UGT2A3: variants seen among roughly 807,000 people sequenced by gnomAD.
The protein encoded by UGT2A3 is UDP-glucuronosyltransferase 2A3.
UGT2A3 carries 55 observed loss-of-function variants against 44.1 expected under a neutral mutation model. The ratio of observed to expected loss-of-function variants is 1.25; its 90% CI spans 1.00 to 1.56. The LOEUF is 1.56. Ranked by LOEUF, UGT2A3 falls within the 40% of genes most tolerant of loss-of-function variation. The pLI is 0.00. For missense variants in UGT2A3, 733 were observed against 621.6 expected (o/e 1.18, Z -1.91); for synonymous variants, 243 against 215.1 (o/e 1.13, Z -1.13).
Position 68,951,315 on chromosome 4 carries a change from T to C in UGT2A3, c.446A>G (p.Asp149Gly), listed in dbSNP as rs749956971. The C allele has an allele frequency of 1.9e-6, 3 of 1,612,662 alleles. No homozygotes were observed. Among genetic ancestry groups the C allele is most frequent in the Admixed American group, 3.3e-5 (2 of 59,794 alleles). The change falls in exon 1 of 6, where the codon GAC (aspartate) becomes GGC (glycine). Residue 149 changes from aspartate (D) to glycine (G), a missense_variant. Physicochemically the swap from Asp to Gly is moderately conservative, Grantham distance 94. Transcript: ENST00000251566. Reference sequence around the variant, plus strand: ...CAGGTCTCCACAGGGAATCACAGGGTCTATAAGCATTACATCGTAGTTGGT... The same window carrying C: ...CAGGTCTCCACAGGGAATCACAGGGCCTATAAGCATTACATCGTAGTTGGT... ...QETNYDVMLI[D>G]PVIPCGDLMA...
intron 1 of UGT2A3, among the ~76,000 whole-genome samples, chr4:68,949,464 A>T (rs898262542): frequency 2.0e-5 from 3 of 151,882 alleles, no homozygotes; most frequent in Non-Finnish European, 4.4e-5. Context: ...CCAAGCTAAT[A>T]AACGTGTAAC....
chr4:68,942,339 C>CTATATATA (rs1553902025), intron 2 of UGT2A3, among the ~76,000 whole-genome samples: 17 of 133,274 alleles, frequency 1.3e-4, no homozygotes, highest in African/African-American at 4.2e-4. Context: ...CTCTCTCTCT[C>CTATATATA]TATATATATA....
chr4:68,945,477 T>A, intron 1 of UGT2A3, 23 bp from the exon 2 acceptor site: 1 of 1,559,228 alleles, frequency 6.4e-7, no homozygotes, highest in Non-Finnish European at 8.7e-7. Flanking sequence ...AATAACAGAA[T>A]GAATTAGCAT....
Position 68,929,973 on chromosome 4 carries a change from C to A in UGT2A3, c.1424G>T (p.Arg475Leu), listed in dbSNP as rs369449006. The A allele has an allele frequency of 2.5e-6, 4 of 1,613,620 alleles. No individual in the cohort carries two copies. The highest frequency in any genetic ancestry group is 3.4e-6 in the Non-Finnish European group (4 of 1,179,672). Residue 475 changes from arginine to leucine, a missense_variant, in exon 6 of 6, where the codon CGA becomes CTA. Coordinates refer to ENST00000251566, the MANE Select transcript of UGT2A3 (RefSeq NM_024743.4). ...CCAGGTGAGGTCATGGGCAGCTGAT[C>A]GCAGGTGCTTGGCTCCTTTGTGGCG... ...VMRHKGAKHL[R>L]SAAHDLTWFQ...
rs1296838797 is a variant in UGT2A3 at position 68,935,366 on chromosome 4, G to A, written c.865-2607C>T. 3.4e-5 allele frequency among the ~76,000 whole-genome samples: 5 copies of A among 145,434 alleles called. No homozygotes were observed. In the Admixed American group the frequency reaches 3.6e-4, roughly 10 times the overall value. ...GAAGAATCCAGCAGCAATATTTGCTGTTCTGCAGTATTTGCTGTTCTGCAG... is the reference window on the plus strand; with the variant it reads ...GAAGAATCCAGCAGCAATATTTGCTATTCTGCAGTATTTGCTGTTCTGCAG... On this transcript the variant is annotated intron_variant, in intron 2 of 5. Transcript: ENST00000251566.
intron 1 of UGT2A3, among the ~76,000 whole-genome samples, chr4:68,948,292 T>G (rs1432327851): frequency 6.6e-6 from 1 of 151,854 alleles, no homozygotes; most frequent in Non-Finnish European, 1.5e-5. Context: ...CTCTACTAGC[T>G]TCAGTCTTTT....
At chr4:68,933,029 A>G (rs1280486254) in intron 2 of UGT2A3, among the ~76,000 whole-genome samples, 1 of 152,066 alleles carries the variant, frequency 6.6e-6, no homozygotes, top group African/African-American at 2.4e-5. Context: ...ATCTCTTTTC[A>G]TGTCTGTGTC....
chr4:68,934,279 TACA>T (rs1377783756), intron 2 of UGT2A3, among the ~76,000 whole-genome samples: 1 of 151,852 alleles, frequency 6.6e-6, no homozygotes, highest in African/African-American at 2.4e-5. Context: ...GAGGAAAGTC[TACA>T]ACAACGAACA....
At position 68,951,590 on chromosome 4, in the gene UGT2A3, A is replaced by T; in HGVS notation, c.171T>A (p.Thr57=). The T allele has an allele frequency of 6.2e-7, 1 of 1,613,000 alleles. No individual in the cohort carries two copies. The highest frequency in any genetic ancestry group is 1.1e-5 in the South Asian group (1 of 91,070). Residue 57 remains threonine, a synonymous_variant, in exon 1 of 6, where the codon ACT becomes ACA. Transcript: ENST00000251566. The stretch of plus-strand genomic sequence containing the variant: ...AGTCAATTAACGAAGGCTTTGAGTG[A>T]GTCAATACTGTTACCTCATGGCCTC... The part of the protein sequence containing the change: ...IVRGHEVTVL[T]HSKPSLIDYR...
chr4:68,939,279 T>C lies in UGT2A3; in HGVS notation c.864+6027A>G, dbSNP rs147189950. ...AAAAAGAACAAAGCTGGAGGCATCA[T>C]GGTACCTGATGTCAAACTACATTAC... On this transcript the variant is annotated intron_variant, in intron 2 of 5. Transcript: ENST00000251566. 6.2e-3 allele frequency among the ~76,000 whole-genome samples: 946 copies of C among 152,178 alleles called. 39 individuals carry two copies. The highest frequency in any genetic ancestry group is 0.054 in the Admixed American group (831 of 15,264).
At chr4:68,930,856 C>T in intron 4 of UGT2A3, 91 bp from the exon 5 acceptor site, 2 of 1,121,830 alleles carry the variant, frequency 1.8e-6, no homozygotes, top group Non-Finnish European at 2.5e-6. Flanking sequence ...TACGAGATAA[C>T]TCACTGAAGC....
rs752378710 is a variant in UGT2A3 at position 68,951,406 on chromosome 4, C to T, written c.355G>A (p.Gly119Arg). Residue 119 changes from glycine (G) to arginine (R), a missense_variant, in exon 1 of 6, where the codon GGA (glycine) becomes AGA (arginine). Physicochemically the swap from Gly to Arg is moderately radical, Grantham distance 125. Coordinates refer to ENST00000251566, the MANE Select transcript of UGT2A3 (RefSeq NM_024743.4). ...CTCTCACACATCATTTTTAAAGTTC[C>T]TCTTATTTCAACAAAAAAATCATTT... ...KLNDFFVEIRGTLKMMCESFI... is the reference protein window; with the variant it reads ...KLNDFFVEIRRTLKMMCESFI... 2.5e-6 allele frequency: 4 copies of T among 1,611,592 alleles called. No individual in the cohort carries two copies. In the African/African-American group the frequency reaches 5.4e-5, roughly 22 times the overall value.
At chr4:68,948,354 G>A (rs565457953) in intron 1 of UGT2A3, among the ~76,000 whole-genome samples, 3 of 151,054 alleles carry the variant, frequency 2.0e-5, no homozygotes, top group Non-Finnish European at 3.0e-5. Flanking sequence ...AATAGTTAAC[G>A]CTTTACTATG....
Position 68,929,749 on chromosome 4 carries a change from C to A in UGT2A3, c.*64G>T, listed in dbSNP as rs192868586. 4.3e-6 allele frequency: 6 copies of A among 1,409,976 alleles called. No homozygotes were observed. The East Asian group carries it at 1.1e-4, about 27-fold the overall frequency. The allele number at this position is 1,409,976 out of a possible 1,614,324, so 87.3% of individuals were successfully genotyped here. ...AATATGAAAATAGCAAGGTTTTCAC[C>A]AAATTCTATGTGGCTGGAATTAACA... On this transcript the variant is annotated 3_prime_UTR_variant, in exon 6 of 6. Transcript: ENST00000251566.
chr4:68,938,245 C>T (rs530302761), intron 2 of UGT2A3, among the ~76,000 whole-genome samples: 1 of 152,028 alleles, frequency 6.6e-6, no homozygotes, highest in South Asian at 2.1e-4. Flanking sequence ...CTGGCAGAGA[C>T]ACAACAAAAA....
At chr4:68,942,504 G>GAGATATATATAT (rs1553902064) in intron 2 of UGT2A3, among the ~76,000 whole-genome samples, 2 of 131,020 alleles carry the variant, frequency 1.5e-5, no homozygotes, top group Non-Finnish European at 3.1e-5. Context: ...TTCCACTGGA[G>GAGATATATATAT]ATATATATAT....
At chr4:68,930,436 T>C (rs1257999770) in intron 5 of UGT2A3, 110 bp downstream of exon 5, 3 of 1,043,882 alleles carry the variant, frequency 2.9e-6, no homozygotes, top group Non-Finnish European at 1.4e-6. Context: ...TGACTCAATA[T>C]TGTGGAGTAA....
chr4:68,934,314 G>T (rs1717854329), intron 2 of UGT2A3, among the ~76,000 whole-genome samples: 1 of 151,806 alleles, frequency 6.6e-6, no homozygotes, highest in African/African-American at 2.4e-5. Context: ...AAAGTAGAAA[G>T]ATATCAAATA....
rs564776584 is a variant in UGT2A3, at chr4:68,936,515, A to G, written c.865-3756T>C. On this transcript the variant is annotated intron_variant, in intron 2 of 5. Coordinates refer to ENST00000251566, the MANE Select transcript of UGT2A3 (RefSeq NM_024743.4). ...CCTTTACAGACAAGCAAATGCTGAG[A>G]GATTTTGTCACCACCAGGCCTGCCT... Among the ~76,000 whole-genome samples the G allele has an allele frequency of 5.9e-5, 9 of 152,220 alleles. No individual in the cohort carries two copies. The South Asian group carries it at 1.9e-3, about 32-fold the overall frequency.
Sources: allele counts gnomAD v4.1 joint callset (sites outside exome capture counted in the v4.1 genomes callset), GRCh38; gene constraint gnomAD v4.1.1; transcripts MANE v1.5; gene names NCBI Gene and HGNC (gene_info 2026-07-23, HGNC 2026-07-21).